NT5M: variants seen among roughly 807,000 people sequenced by gnomAD.
NT5M encodes 5',3'-nucleotidase, mitochondrial, also known as 5'(3')-deoxyribonucleotidase, mitochondrial.
NT5M carries 22 observed loss-of-function variants against 22.2 expected under a neutral mutation model. The observed-to-expected ratio is 0.99, with a 90% CI of 0.71 to 1.41. The LOEUF (loss-of-function observed/expected upper bound fraction) is 1.41, where lower values mean the gene tolerates loss of function less well. Ranked by LOEUF, NT5M falls within the 40% of genes most tolerant of loss-of-function variation. NT5M has a pLI of 0.00. For missense variants in NT5M, 322 were observed against 314.8 expected (o/e 1.02, Z -0.17); for synonymous variants, 167 against 133.0 (o/e 1.26, Z -1.76).
At chr17:17,324,024 A>G (rs1204240691) in intron 3 of NT5M, among the ~76,000 whole-genome samples, 2 of 151,776 alleles carry the variant, frequency 1.3e-5, no homozygotes, top group Admixed American at 1.3e-4. Flanking sequence ...AGTGCCTACC[A>G]CCACATCCAG....
At chr17:17,326,331 G>C (rs1331063481) in intron 3 of NT5M, among the ~76,000 whole-genome samples, 2 of 152,210 alleles carry the variant, frequency 1.3e-5, no homozygotes, top group Non-Finnish European at 2.9e-5. Context: ...CCTGTCAAGA[G>C]CCTGTGCCCA....
intron 3 of NT5M, among the ~76,000 whole-genome samples, chr17:17,338,987 G>A (rs9916133): frequency 0.24 from 36,408 of 151,886 alleles, 4,767 homozygotes; most frequent in African/African-American, 0.34. Flanking sequence ...TCGGCCTCCC[G>A]AAGTGCTAGG....
chr17:17,335,139 T>A (rs949618217), intron 3 of NT5M, among the ~76,000 whole-genome samples: 3 of 152,064 alleles, frequency 2.0e-5, no homozygotes, highest in Non-Finnish European at 4.4e-5. Flanking sequence ...AATATATTTT[T>A]AAATATTTTA....
intron 2 of NT5M, among the ~76,000 whole-genome samples, chr17:17,314,686 T>C (rs908495160): frequency 6.6e-6 from 1 of 152,198 alleles, no homozygotes; most frequent in African/African-American, 2.4e-5. Flanking sequence ...CCAACCTCTG[T>C]CTTCCTCTGC....
At chr17:17,311,788 C>T (rs2048927649) in intron 2 of NT5M, among the ~76,000 whole-genome samples, 1 of 152,146 alleles carries the variant, frequency 6.6e-6, no homozygotes, top group Non-Finnish European at 1.5e-5. Context: ...GATGTGAGTC[C>T]AAGTCCTGCA....
Position 17,346,904 on chromosome 17 carries a change from C to T in NT5M, c.644C>T (p.Ala215Val), listed in dbSNP as rs769139589. The T allele has an allele frequency of 5.0e-5, 80 of 1,611,070 alleles. 1 individual carries two copies. The highest frequency in any genetic ancestry group is 3.1e-4 in the East Asian group (14 of 44,888). The part of the protein sequence containing the change: ...QPPRRRLHSW[A>V]DDWKAILDSK... Reference sequence around the variant, plus strand: ...CCCCGCCGCAGGCTGCACTCGTGGGCGGACGACTGGAAGGCCATTCTGGAC... The same window carrying T: ...CCCCGCCGCAGGCTGCACTCGTGGGTGGACGACTGGAAGGCCATTCTGGAC... The change falls in exon 5 of 5, where the codon GCG becomes GTG. Residue 215 changes from alanine to valine, a missense_variant. Physicochemically the swap from Ala to Val is moderately conservative, Grantham distance 64. Coordinates refer to ENST00000389022, the MANE Select transcript of NT5M (RefSeq NM_020201.4).
chr17:17,316,607 C>T (rs1031841804), intron 2 of NT5M, among the ~76,000 whole-genome samples: 2 of 151,814 alleles, frequency 1.3e-5, no homozygotes, highest in African/African-American at 4.9e-5. Context: ...AACTCCTAAC[C>T]TTGGGTGATC....
chr17:17,337,507 C>T (rs1426119697), intron 3 of NT5M, among the ~76,000 whole-genome samples: 4 of 151,782 alleles, frequency 2.6e-5, no homozygotes, highest in Admixed American at 2.6e-4. Context: ...CAGGCTCAAT[C>T]AATCCTCCCA....
At chr17:17,313,580 C>T (rs758482082) in intron 2 of NT5M, among the ~76,000 whole-genome samples, 5 of 152,238 alleles carry the variant, frequency 3.3e-5, no homozygotes, top group Non-Finnish European at 7.3e-5. Flanking sequence ...GCTGATCAGT[C>T]ACCCTCATGA....
At chr17:17,304,276 A>G (rs960259652) in intron 1 of NT5M, 2 of 374,476 alleles carry the variant, frequency 5.3e-6, no homozygotes, top group Non-Finnish European at 7.3e-6. Flanking sequence ...TTTGAGGCCC[A>G]GAGAGGTTGT....
chr17:17,322,596 C>T (rs77718208), intron 2 of NT5M, among the ~76,000 whole-genome samples: 2,494 of 152,302 alleles, frequency 0.016, 56 homozygotes, highest in African/African-American at 0.057. Flanking sequence ...GCAAGACGTG[C>T]AGGAGGCACA....
chr17:17,327,795 G>A (rs1459031128), intron 3 of NT5M, among the ~76,000 whole-genome samples: 1 of 105,930 alleles, frequency 9.4e-6, no homozygotes, highest in African/African-American at 3.3e-5. Context: ...GATTACAGGC[G>A]TGAGCCACCA....
chr17:17,336,480 A>C (rs2049514820), intron 3 of NT5M, among the ~76,000 whole-genome samples: 2 of 151,860 alleles, frequency 1.3e-5, no homozygotes, highest in African/African-American at 4.8e-5. Context: ...TGCCTGGCTT[A>C]TATCACTTAA....
chr17:17,313,351 T>G (rs1260190529), intron 2 of NT5M, among the ~76,000 whole-genome samples: 8 of 152,208 alleles, frequency 5.3e-5, no homozygotes, highest in Non-Finnish European at 1.5e-5. Flanking sequence ...GATTAATACC[T>G]TTGCAGAAAT....
Position 17,323,135 on chromosome 17 carries a change from G to A in NT5M, c.369-50G>A, listed in dbSNP as rs373872300. The A allele has an allele frequency of 7.3e-5, 110 of 1,510,242 alleles. No homozygotes were observed. In the African/African-American group the frequency reaches 1.4e-3, roughly 19 times the overall value. The allele number at this position is 1,510,242 out of a possible 1,614,324, so 93.6% of individuals were successfully genotyped here. ...CAGGGCAGGTGGTGAAGGCCTCGGG[G>A]TGGTGAAGTCATGGGGCTGCAGGCT... is the stretch of plus-strand genomic sequence containing the variant. On this transcript the variant is annotated intron_variant, in intron 2 of 4. Coordinates refer to ENST00000389022, the MANE Select transcript of NT5M (RefSeq NM_020201.4).
Position 17,303,763 on chromosome 17 carries a change from C to G in NT5M, c.213C>G (p.Asp71Glu), listed in dbSNP as rs972770565. 1.3e-6 allele frequency: 2 copies of G among 1,585,826 alleles called. No individual in the cohort carries two copies. The highest frequency in any genetic ancestry group is 3.4e-5 in the Admixed American group (2 of 57,984). Residue 71 changes from aspartate (D) to glutamate (E), a missense_variant, in exon 1 of 5, where the codon GAC becomes GAG. Physicochemically the swap from Asp to Glu is conservative, Grantham distance 45. Transcript: ENST00000389022. ...ACCAGCCCTTCATCGCGCTGGAGGACCGGCGCGGCTTCTGGGTGTCGGAGC... is the reference window on the plus strand; with the variant it reads ...ACCAGCCCTTCATCGCGCTGGAGGAGCGGCGCGGCTTCTGGGTGTCGGAGC... ...FPDQPFIALE[D>E]RRGFWVSEQY...
At chr17:17,315,896 C>A (rs1286319362) in intron 2 of NT5M, among the ~76,000 whole-genome samples, 6 of 150,516 alleles carry the variant, frequency 4.0e-5, no homozygotes, top group African/African-American at 1.5e-4. Context: ...GGACTACAGG[C>A]ATCTGCCACC....
chr17:17,306,668 A>C (rs750215227), intron 2 of NT5M, 25 bp downstream of exon 2: 2 of 1,540,120 alleles, frequency 1.3e-6, no homozygotes, highest in African/African-American at 1.4e-5. Flanking sequence ...CCAGCCACTC[A>C]GTAAGTTTGT....
chr17:17,311,349 A>T (rs2145330164), intron 2 of NT5M, among the ~76,000 whole-genome samples: 1 of 151,706 alleles, frequency 6.6e-6, no homozygotes, highest in South Asian at 2.1e-4. Context: ...AAAAAAAAAA[A>T]AAGAGTTTTA....
Sources: gnomAD v4.1 joint callset for allele counts (sites outside exome capture counted in the v4.1 genomes callset) on GRCh38, gnomAD v4.1.1 for gene constraint, MANE v1.5 for transcripts, NCBI Gene and HGNC (gene_info 2026-07-23, HGNC 2026-07-21) for gene names.